The following ZNF331 variants were observed in gnomAD, a reference collection of about 807,000 sequenced individuals.
ZNF331 encodes zinc finger protein 331.
ZNF331 carries 2 observed loss-of-function variants against 7.0 expected under a neutral mutation model. The observed-to-expected ratio is 0.29, with a 90% CI of 0.12 to 0.90. The LOEUF is 0.90. ZNF331 is among the 40% of genes least tolerant of loss of function. The probability of loss-of-function intolerance (pLI) is 0.58; values close to 1 mark genes in which losing one functional copy is unlikely to be tolerated. For missense variants in ZNF331, 432 were observed against 587.7 expected (o/e 0.74, Z 2.74); for synonymous variants, 196 against 205.4 (o/e 0.95, Z 0.39).
chr19:53,572,211 C>A (rs1568541525), intron 5 of ZNF331, among the ~76,000 whole-genome samples: 2 of 152,192 alleles, frequency 1.3e-5, no homozygotes, highest in Non-Finnish European at 2.9e-5. Flanking sequence ...TCATTTCTTA[C>A]ATACCATACC....
intron 2 of ZNF331, among the ~76,000 whole-genome samples, chr19:53,540,203 A>G (rs2088047679): frequency 6.6e-6 from 1 of 152,156 alleles, no homozygotes; most frequent in Non-Finnish European, 1.5e-5. Flanking sequence ...AGTCTGTAAC[A>G]AAGTACCATA....
intron 2 of ZNF331, among the ~76,000 whole-genome samples, chr19:53,541,401 C>T (rs562032266): frequency 4.6e-5 from 7 of 152,082 alleles, no homozygotes; most frequent in African/African-American, 1.2e-4. Context: ...CCACCGTGCC[C>T]GGCCTATATT....
intron 2 of ZNF331, among the ~76,000 whole-genome samples, chr19:53,553,593 A>G (rs1029763786): frequency 7.5e-5 from 11 of 147,528 alleles, no homozygotes; most frequent in African/African-American, 2.7e-4. Flanking sequence ...TTTTGAGTCA[A>G]AATGAGACTG....
intron 2 of ZNF331, among the ~76,000 whole-genome samples, chr19:53,544,370 C>T (rs1437560307): frequency 6.6e-6 from 1 of 150,594 alleles, no homozygotes; most frequent in Non-Finnish European, 1.5e-5. Flanking sequence ...ACGGTGAAAC[C>T]CCATCTCTAC....
At chr19:53,557,953 G>A (rs1205373644) in intron 3 of ZNF331, among the ~76,000 whole-genome samples, 1 of 152,164 alleles carries the variant, frequency 6.6e-6, no homozygotes, top group Non-Finnish European at 1.5e-5. Context: ...GTGACAGAGC[G>A]AGACTCTGTC....
rs779858689 is a variant in ZNF331, at chr19:53,539,995, A to G, written c.-138+713A>G. 3.3e-5 allele frequency among the ~76,000 whole-genome samples: 5 copies of G among 152,274 alleles called. No individual in the cohort carries two copies. Among genetic ancestry groups the G allele is most frequent in the Non-Finnish European group, 7.3e-5 (5 of 68,046 alleles). On this transcript the variant is annotated intron_variant, in intron 2 of 5. Coordinates refer to ENST00000449416, the MANE Select transcript of ZNF331 (RefSeq NM_001079906.2). The surrounding 1 kb of genome is among the most constrained non-coding windows in gnomAD (Gnocchi z 6.1). ...TAATAGTTATTAACAATAGTAAATG[A>G]AGGAAATGCTTCAGTTGCCTACAAA...
chr19:53,528,345 ACAG>A (rs147197639), intron 2 of ZNF331, among the ~76,000 whole-genome samples: 18,364 of 152,238 alleles, frequency 0.12, 1,144 homozygotes, highest in East Asian at 0.18. Flanking sequence ...GCATAAGAAA[ACAG>A]CAGCCTCATG....
chr19:53,555,860 A>G lies in ZNF331; in HGVS notation c.-122A>G, dbSNP rs918467524. 9 of 151,708 alleles carry G rather than the reference A, an allele frequency of 5.9e-5. No individual in the cohort carries two copies. The highest frequency in any genetic ancestry group is 1.5e-5 in the Non-Finnish European group (1 of 68,004). The allele number at this position is 151,708 out of a possible 1,614,324, so 9.4% of individuals were successfully genotyped here. ...TTTTCCCCAGGCCAGCATCCTTCAG[A>G]AAAAGCATCCCCGAGGAGGAAGACG... On this transcript the variant is annotated 5_prime_UTR_variant, in exon 3 of 6. Transcript: ENST00000449416.
At chr19:53,551,214 C>T (rs2088987789) in intron 2 of ZNF331, among the ~76,000 whole-genome samples, 2 of 152,146 alleles carry the variant, frequency 1.3e-5, no homozygotes, top group Admixed American at 6.6e-5. Context: ...AAATTCAGTC[C>T]TCTAAGGAGT....
the ZNF331 span, among the ~76,000 whole-genome samples, chr19:53,510,886 T>A: frequency 6.6e-6 from 1 of 152,224 alleles, no homozygotes; most frequent in Admixed American, 6.6e-5. Flanking sequence ...TTAAAATTAT[T>A]CCTAAGTATA....
intron 2 of ZNF331, among the ~76,000 whole-genome samples, chr19:53,529,163 G>A (rs1403803643): frequency 6.6e-6 from 1 of 152,126 alleles, no homozygotes; most frequent in Non-Finnish European, 1.5e-5. Context: ...AGCGCTTTGG[G>A]AGCTGAGGCG....
chr19:53,559,560 CCT>C (rs2089701599), intron 3 of ZNF331, among the ~76,000 whole-genome samples: 1 of 150,716 alleles, frequency 6.6e-6, no homozygotes, highest in Non-Finnish European at 1.5e-5. Context: ...CATATACACA[CCT>C]ACATATATAC....
intron 2 of ZNF331, among the ~76,000 whole-genome samples, chr19:53,548,312 C>G (rs983882523): frequency 6.6e-6 from 1 of 152,044 alleles, no homozygotes; most frequent in Non-Finnish European, 1.5e-5. Context: ...AGGGTTTCAC[C>G]CTGTTAGCCA....
intron 2 of ZNF331, among the ~76,000 whole-genome samples, chr19:53,530,146 G>C (rs1437217741): frequency 6.6e-6 from 1 of 152,184 alleles, no homozygotes; most frequent in African/African-American, 2.4e-5. Context: ...GGAGGGGTAA[G>C]GTTGGGACAC....
chr19:53,572,241 A>ACAATC (rs1232172230), intron 5 of ZNF331, among the ~76,000 whole-genome samples: 4 of 152,162 alleles, frequency 2.6e-5, no homozygotes, highest in African/African-American at 7.2e-5. Context: ...GTTGAAAGTT[A>ACAATC]CAATCCCCGA....
the ZNF331 span, among the ~76,000 whole-genome samples, chr19:53,508,649 C>T: frequency 6.6e-6 from 1 of 152,066 alleles, no homozygotes; most frequent in African/African-American, 2.4e-5. Context: ...GAATCTATTT[C>T]CAAAATATGA....
the ZNF331 span, chr19:53,503,874 A>T: frequency 1.5e-6 from 1 of 685,372 alleles, no homozygotes; most frequent in Non-Finnish European, 2.7e-6. Context: ...AAGACAAAAG[A>T]TCTGGGATAC....
chr19:53,545,008 G>A (rs146016067), intron 2 of ZNF331, among the ~76,000 whole-genome samples: 82 of 152,238 alleles, frequency 5.4e-4, no homozygotes, highest in African/African-American at 1.8e-3. Context: ...ACAGGCATGA[G>A]CCACCATGCC....
chr19:53,549,711 T>C (rs2088860127), intron 2 of ZNF331, among the ~76,000 whole-genome samples: 1 of 147,674 alleles, frequency 6.8e-6, no homozygotes, highest in Non-Finnish European at 1.5e-5. Context: ...AAAAAAAAAT[T>C]TTTTTTTAAA....
Sources: allele counts gnomAD v4.1 joint callset (sites outside exome capture counted in the v4.1 genomes callset), GRCh38; gene constraint gnomAD v4.1.1; non-coding constraint Gnocchi (gnomAD v3.1); transcripts MANE v1.5; gene names NCBI Gene and HGNC (gene_info 2026-07-23, HGNC 2026-07-21).